The following CDKAL1 variants were observed in gnomAD, a reference collection of about 807,000 sequenced individuals.
CDKAL1 encodes CDKAL1 threonylcarbamoyladenosine tRNA methylthiotransferase.
Under a neutral mutation model 68.2 loss-of-function variants are expected in CDKAL1, and 32 were observed. That is an observed-to-expected ratio of 0.47 (90% CI 0.35 to 0.63). CDKAL1 has a LOEUF of 0.63. CDKAL1 is among the 30% of genes least tolerant of loss of function. The probability of loss-of-function intolerance (pLI) is 0.00; values close to 1 mark genes in which losing one functional copy is unlikely to be tolerated. For synonymous variants in CDKAL1, 234 were observed against 244.3 expected (o/e 0.96, Z 0.39); for missense variants, 606 against 696.7 (o/e 0.87, Z 1.47).
intron 15 of CDKAL1, among the ~76,000 whole-genome samples, chr6:21,203,936 G>A (rs887984022): frequency 1.3e-5 from 2 of 152,082 alleles, no homozygotes; most frequent in Non-Finnish European, 2.9e-5. Context: ...ATGATGGTGG[G>A]AATGGGTGAA....
At chr6:21,220,104 A>G (rs1420427165) in intron 15 of CDKAL1, among the ~76,000 whole-genome samples, 1 of 152,178 alleles carries the variant, frequency 6.6e-6, no homozygotes, top group Non-Finnish European at 1.5e-5. Flanking sequence ...AGATGAGTTC[A>G]GGTTTCTACT....
intron 5 of CDKAL1, among the ~76,000 whole-genome samples, chr6:20,711,888 A>G (rs903734080): frequency 1.3e-5 from 2 of 152,226 alleles, no homozygotes; most frequent in African/African-American, 4.8e-5. Context: ...GTAGAAAACC[A>G]TTCTCAAAAG....
intron 6 of CDKAL1, among the ~76,000 whole-genome samples, chr6:20,753,151 A>C (rs987989287): frequency 1.4e-5 from 2 of 147,062 alleles, no homozygotes; most frequent in Admixed American, 6.8e-5. Flanking sequence ...AAACGCAGGT[A>C]CTTCTTAGCA....
intron 9 of CDKAL1, among the ~76,000 whole-genome samples, chr6:20,882,662 A>G (rs1760881177): frequency 6.6e-6 from 1 of 152,152 alleles, no homozygotes; most frequent in African/African-American, 2.4e-5. Context: ...GTATGAATGT[A>G]CCACAGTGTT....
At chr6:21,036,009 C>T (rs1229825966) in intron 11 of CDKAL1, among the ~76,000 whole-genome samples, 1 of 152,088 alleles carries the variant, frequency 6.6e-6, no homozygotes, top group Non-Finnish European at 1.5e-5. Flanking sequence ...ATTTCCTTTG[C>T]GCTTGCATCA....
At chr6:20,827,968 A>G (rs1168245338) in intron 8 of CDKAL1, among the ~76,000 whole-genome samples, 2 of 152,150 alleles carry the variant, frequency 1.3e-5, no homozygotes, top group Non-Finnish European at 2.9e-5. Flanking sequence ...ATTGCATAAG[A>G]AAATGGGTGT....
intron 15 of CDKAL1, among the ~76,000 whole-genome samples, chr6:21,203,215 ATTTTTTTTTTTTTTTTTTT>A (rs371165972): frequency 8.5e-4 from 40 of 47,124 alleles, no homozygotes; most frequent in African/African-American, 1.4e-3. Flanking sequence ...ATCCTGGCTA[ATTTTTTTTTTTTTTTTTTT>A]TTTTTTTTTT....
chr6:20,671,719 T>G (rs1412138770), intron 5 of CDKAL1, among the ~76,000 whole-genome samples: 1 of 152,124 alleles, frequency 6.6e-6, no homozygotes, highest in East Asian at 1.9e-4. Flanking sequence ...GCTCTTTTAT[T>G]TTTTTTAAAT....
chr6:20,801,280 C>T (rs1027173263), intron 8 of CDKAL1, among the ~76,000 whole-genome samples: 3 of 152,172 alleles, frequency 2.0e-5, no homozygotes, highest in Non-Finnish European at 4.4e-5. Flanking sequence ...TCATCTACCA[C>T]CTTAGGCTTG....
At chr6:20,567,255 C>T (rs1240660536) in intron 4 of CDKAL1, among the ~76,000 whole-genome samples, 1 of 151,048 alleles carries the variant, frequency 6.6e-6, no homozygotes, top group African/African-American at 2.4e-5. Context: ...TTGCACCAGC[C>T]TGTATTTCAC....
intron 11 of CDKAL1, among the ~76,000 whole-genome samples, chr6:21,016,143 T>C (rs186694742): frequency 7.2e-6 from 1 of 138,686 alleles, no homozygotes; most frequent in African/African-American, 2.7e-5. Context: ...TATATGTGTA[T>C]ATATATGTGT....
intron 4 of CDKAL1, 89 bp downstream of exon 4, chr6:20,548,794 A>C (rs1218302910): frequency 4.9e-6 from 3 of 608,950 alleles, no homozygotes; most frequent in Non-Finnish European, 8.7e-6. Context: ...AGGGTATTTT[A>C]GCATGACAGT....
intron 10 of CDKAL1, among the ~76,000 whole-genome samples, chr6:20,980,226 GATATAGAT>G (rs1392805884): frequency 6.8e-6 from 1 of 146,836 alleles, no homozygotes; most frequent in Non-Finnish European, 1.5e-5. Context: ...TATAGATATA[GATATAGAT>G]ATATAGATAT....
At chr6:20,966,320 C>T (rs565839700) in intron 10 of CDKAL1, among the ~76,000 whole-genome samples, 10 of 152,142 alleles carry the variant, frequency 6.6e-5, no homozygotes, top group Non-Finnish European at 1.2e-4. Flanking sequence ...TTCAAAAATT[C>T]TTTAATATCA....
intron 11 of CDKAL1, among the ~76,000 whole-genome samples, chr6:21,015,809 C>A (rs1014901764): frequency 2.0e-5 from 3 of 151,826 alleles, no homozygotes; most frequent in Non-Finnish European, 2.9e-5. Context: ...CACCTGTAAT[C>A]CCATGGCGCG....
chr6:20,812,139 C>T (rs1363147757), intron 8 of CDKAL1, among the ~76,000 whole-genome samples: 1 of 152,116 alleles, frequency 6.6e-6, no homozygotes, highest in African/African-American at 2.4e-5. Flanking sequence ...GGTTACCCTG[C>T]TTTATAGTTT....
chr6:20,714,606 A>G (rs1772005059), intron 5 of CDKAL1, among the ~76,000 whole-genome samples: 1 of 151,700 alleles, frequency 6.6e-6, no homozygotes, highest in Admixed American at 6.6e-5. Flanking sequence ...TCCAAACTGT[A>G]TTATTGTCTA....
At chr6:20,898,567 A>G (rs1219644525) in intron 9 of CDKAL1, among the ~76,000 whole-genome samples, 1 of 151,592 alleles carries the variant, frequency 6.6e-6, no homozygotes, top group African/African-American at 2.4e-5. Context: ...TTGACTATTG[A>G]TGGTAACTAT....
intron 8 of CDKAL1, among the ~76,000 whole-genome samples, chr6:20,832,843 T>C (rs1306294654): frequency 6.6e-6 from 1 of 152,220 alleles, no homozygotes; most frequent in Non-Finnish European, 1.5e-5. Context: ...AGGTAAGAAG[T>C]ATACCTTAAT....
Sources: gnomAD v4.1 joint callset for allele counts (sites outside exome capture counted in the v4.1 genomes callset) on GRCh38, gnomAD v4.1.1 for gene constraint, MANE v1.5 for transcripts, NCBI Gene and HGNC (gene_info 2026-07-23, HGNC 2026-07-21) for gene names.